Variants in ABHD12 observed in about 807,000 individuals in gnomAD.
The protein encoded by ABHD12 is lysophosphatidylserine lipase ABHD12.
Under a neutral mutation model 58.3 loss-of-function variants are expected in ABHD12, and 43 were observed. That is an observed-to-expected ratio of 0.74 (90% CI 0.58 to 0.95). ABHD12 has a LOEUF of 0.95. Among genes scored for constraint, ABHD12 ranks in the 40% least tolerant of loss-of-function variants. The pLI is 0.00. For missense variants in ABHD12, 539 were observed against 537.2 expected (o/e 1.00, Z -0.03); for synonymous variants, 219 against 211.2 (o/e 1.04, Z -0.32).
chr20:25,295,164 A>G, intron 12 of ABHD12: 2 of 917,296 alleles, frequency 2.2e-6, no homozygotes, highest in South Asian at 2.7e-5. Flanking sequence ...AGGAACTGCA[A>G]GTCAGTATTT....
At chr20:25,296,693 GGAATGTGCTA>G (rs147078003), downstream of ABHD12, 1,186 of 870,442 alleles carry the variant, frequency 1.4e-3, 16 homozygotes, top group African/African-American at 0.017. Context: ...GGGTAAGGAA[GGAATGTGCTA>G]GAAGTGCTCC....
intron 1 of ABHD12, among the ~76,000 whole-genome samples, chr20:25,350,075 T>C (rs1391170054): frequency 2.0e-5 from 3 of 152,120 alleles, no homozygotes; most frequent in Admixed American, 6.5e-5. Context: ...GTCCCAATAA[T>C]AAAACCCCTA....
intron 6 of ABHD12, among the ~76,000 whole-genome samples, chr20:25,311,232 T>C (rs2088843640): frequency 1.3e-5 from 2 of 152,116 alleles, no homozygotes; most frequent in African/African-American, 4.8e-5. Context: ...TGCCTTGAGA[T>C]GGGGGTGATC....
chr20:25,313,345 G>A (rs1244538247), intron 6 of ABHD12, among the ~76,000 whole-genome samples: 8 of 152,284 alleles, frequency 5.3e-5, no homozygotes, highest in Admixed American at 2.6e-4. Context: ...GATTAAGGGC[G>A]GTGCAAGATG....
At chr20:25,373,857 C>T (rs906350021) in intron 1 of ABHD12, among the ~76,000 whole-genome samples, 1 of 152,120 alleles carries the variant, frequency 6.6e-6, no homozygotes, top group Admixed American at 6.5e-5. Flanking sequence ...TCTCCTTTCT[C>T]CTCTTCTTTG....
chr20:25,364,810 T>G (rs1279482577), intron 1 of ABHD12, among the ~76,000 whole-genome samples: 1 of 152,142 alleles, frequency 6.6e-6, no homozygotes, highest in African/African-American at 2.4e-5. Context: ...AAAGAGTAAC[T>G]CTGGGCAAAC....
At chr20:25,390,131 A>G in intron 1 of ABHD12, 1 of 170,886 alleles carries the variant, frequency 5.9e-6, no homozygotes, top group Non-Finnish European at 1.2e-5. Flanking sequence ...TCTTCCAAGG[A>G]CTCCCCACCC....
chr20:25,314,778 G>T, intron 6 of ABHD12, 147 bp downstream of exon 6: 1 of 899,690 alleles, frequency 1.1e-6, no homozygotes, highest in Non-Finnish European at 1.8e-6. Flanking sequence ...CTCCATCAGG[G>T]TCTTTGTCAG....
intron 10 of ABHD12, among the ~76,000 whole-genome samples, chr20:25,303,839 T>C (rs2088685854): frequency 6.6e-6 from 1 of 152,254 alleles, no homozygotes; most frequent in Admixed American, 6.5e-5. Flanking sequence ...ATCACAGCTA[T>C]ATAACTGGCC....
chr20:25,367,709 T>G (rs2089842552), intron 1 of ABHD12, among the ~76,000 whole-genome samples: 1 of 152,226 alleles, frequency 6.6e-6, no homozygotes, highest in Admixed American at 6.5e-5. Context: ...TAGCATAATG[T>G]CTTCAAGGTT....
intron 2 of ABHD12, 60 bp downstream of exon 2, chr20:25,339,167 C>A (rs186943410): frequency 3.1e-6 from 5 of 1,605,218 alleles, no homozygotes; most frequent in Admixed American, 3.3e-5. Context: ...TAAAATCAGA[C>A]ATCACCATGA....
At chr20:25,369,689 G>A (rs4815412) in intron 1 of ABHD12, among the ~76,000 whole-genome samples, 82,244 of 152,050 alleles carry the variant, frequency 0.54, 22,830 homozygotes, top group Admixed American at 0.61. Flanking sequence ...TGTGTCCACA[G>A]GTTTAAATAG....
Position 25,381,863 on chromosome 20 carries a change from G to A in ABHD12, c.191+8650C>T, listed in dbSNP as rs542481602. Reference sequence around the variant, plus strand: ...AGTAGAGATGGTGTTTCACCACGTTGGCCAGGCTGGTCCTGAACTCCTGAA... The same window carrying A: ...AGTAGAGATGGTGTTTCACCACGTTAGCCAGGCTGGTCCTGAACTCCTGAA... On this transcript the variant is annotated intron_variant, in intron 1 of 12. Coordinates refer to ENST00000339157, the MANE Select transcript of ABHD12 (RefSeq NM_001042472.3). Among the ~76,000 whole-genome samples, 3 of 152,068 alleles carry A rather than the reference G, an allele frequency of 2.0e-5. No individual in the cohort carries two copies. In the South Asian group the frequency reaches 6.2e-4, roughly 32 times the overall value.
At position 25,336,733 on chromosome 20, in the gene ABHD12, G is replaced by A. The variant is rs549898715; in HGVS notation, c.316+2494C>T. On this transcript the variant is annotated intron_variant, in intron 2 of 12. Coordinates refer to ENST00000339157, the MANE Select transcript of ABHD12 (RefSeq NM_001042472.3). ...CTGAAGACTGCCTTTCCTCCCAAAG[G>A]GGGAGACAGAGAACCACACTTGGAA... is the stretch of plus-strand genomic sequence containing the variant. Among the ~76,000 whole-genome samples, 9 of 152,302 alleles carry A rather than the reference G, an allele frequency of 5.9e-5. No homozygotes were observed. The East Asian group carries it at 1.5e-3, about 26-fold the overall frequency.
intron 1 of ABHD12, among the ~76,000 whole-genome samples, chr20:25,342,746 C>A (rs1279713196): frequency 2.0e-5 from 3 of 152,102 alleles, no homozygotes; most frequent in Non-Finnish European, 4.4e-5. Flanking sequence ...CCACCATACC[C>A]AGCCAGGTTT....
At chr20:25,330,358 A>T (rs1355513825) in intron 2 of ABHD12, among the ~76,000 whole-genome samples, 1 of 152,238 alleles carries the variant, frequency 6.6e-6, no homozygotes, top group African/African-American at 2.4e-5. Flanking sequence ...GTCTGAGATC[A>T]AACTGCAAGG....
chr20:25,380,757 G>T (rs943478265), intron 1 of ABHD12, among the ~76,000 whole-genome samples: 1 of 152,098 alleles, frequency 6.6e-6, no homozygotes, highest in Non-Finnish European at 1.5e-5. Flanking sequence ...CTTGTCTGCT[G>T]GGAGAGTCTG....
chr20:25,342,951 T>C (rs2089474042), intron 1 of ABHD12, among the ~76,000 whole-genome samples: 1 of 151,898 alleles, frequency 6.6e-6, no homozygotes, highest in Admixed American at 6.6e-5. Flanking sequence ...TGTGCCACTA[T>C]GCCCAGCTAA....
intron 2 of ABHD12, among the ~76,000 whole-genome samples, chr20:25,335,812 T>G (rs1600817382): frequency 3.6e-5 from 3 of 83,072 alleles, no homozygotes; most frequent in East Asian, 4.3e-4. Flanking sequence ...TGTTGTGGGG[T>G]GGGGGGAGGG....
Sources: gnomAD v4.1 joint callset for allele counts (sites outside exome capture counted in the v4.1 genomes callset) on GRCh38, gnomAD v4.1.1 for gene constraint, MANE v1.5 for transcripts, NCBI Gene and HGNC (gene_info 2026-07-23, HGNC 2026-07-21) for gene names.